TTLL9: variants seen among roughly 807,000 people sequenced by gnomAD.
TTLL9 encodes probable tubulin polyglutamylase TTLL9.
Under a neutral mutation model 65.6 loss-of-function variants are expected in TTLL9, and 47 were observed. That is an observed-to-expected ratio of 0.72 (90% CI 0.57 to 0.91). The LOEUF (loss-of-function observed/expected upper bound fraction) is 0.91, where lower values mean the gene tolerates loss of function less well. Among genes scored for constraint, TTLL9 ranks in the 40% least tolerant of loss-of-function variants. TTLL9 has a pLI of 0.00. For missense variants in TTLL9, 537 were observed against 568.8 expected (o/e 0.94, Z 0.57); for synonymous variants, 179 against 204.8 (o/e 0.87, Z 1.07).
chr20:31,880,008 G>A (rs6089106), intron 2 of TTLL9: 43,221 of 529,550 alleles, frequency 0.082, 4,485 homozygotes, highest in Admixed American at 0.11. Flanking sequence ...AATGGGTAGG[G>A]GTGGGGCGGG....
chr20:31,931,998 G>A (rs746606661), intron 10 of TTLL9, among the ~76,000 whole-genome samples: 1 of 152,098 alleles, frequency 6.6e-6, no homozygotes, highest in Non-Finnish European at 1.5e-5. Flanking sequence ...TTTTCTCTAT[G>A]AATTTCATAG....
At chr20:31,903,891 T>C (rs376977842) in intron 4 of TTLL9, among the ~76,000 whole-genome samples, 231 of 152,372 alleles carry the variant, frequency 1.5e-3, no homozygotes, top group African/African-American at 5.4e-3. Flanking sequence ...CCAGTTTTTT[T>C]CCACTAACAT....
At position 31,909,840 on chromosome 20, in the gene TTLL9, A is replaced by C; in HGVS notation, c.422A>C (p.Lys141Thr). The stretch of plus-strand genomic sequence containing the variant: ...GCAGCCAAGTGTGACTTCTTCCCCA[A>C]AACCTTTGAGATGCCTTGCGAGTAC... ...LEAAKCDFFP[K>T]TFEMPCEYHL... Residue 141 changes from lysine (K) to threonine (T), a missense_variant, in exon 6 of 15, where the codon AAA (lysine) becomes ACA (threonine). By Grantham distance (78) the Lys-to-Thr change is moderately conservative (BLOSUM62 -1). Around this residue, in one of 3 missense-constraint regions of TTLL9, gnomAD observed 320 missense variants for 311.0 expected, o/e 1.03. Transcript: ENST00000535842. The C allele has an allele frequency of 6.2e-7, 1 of 1,614,152 alleles. No individual in the cohort carries two copies. The highest frequency in any genetic ancestry group is 8.5e-7 in the Non-Finnish European group (1 of 1,180,024).
chr20:31,923,735 C>T (rs1000020646), intron 8 of TTLL9, among the ~76,000 whole-genome samples: 3 of 152,178 alleles, frequency 2.0e-5, no homozygotes, highest in Admixed American at 6.5e-5. Context: ...TGCCTGACAT[C>T]ATTGCAATAG....
intron 2 of TTLL9, among the ~76,000 whole-genome samples, chr20:31,880,920 T>C (rs1279705299): frequency 1.3e-5 from 2 of 149,934 alleles, no homozygotes; most frequent in East Asian, 3.9e-4. Context: ...AGTGGTGTTA[T>C]CTTGGCTCAG....
intron 4 of TTLL9, among the ~76,000 whole-genome samples, chr20:31,904,018 T>C (rs1293975124): frequency 6.6e-6 from 1 of 152,248 alleles, no homozygotes; most frequent in African/African-American, 2.4e-5. Context: ...CTTGACACTT[T>C]TGAAGAGTAC....
rs1370985358 is a variant in TTLL9, at chr20:31,871,167, CT to C, written c.42del (p.Ala15ProfsTer37). The part of the protein sequence containing the change: ...SREALLGPGT[T>X]AIRCPKKLQN... The stretch of plus-strand genomic sequence containing the variant: ...GAAGCTCTGCTGGGACCAGGCACAA[CT>C]GCCATTAGGTGCCCCAAGAAATTAC... On this transcript the variant is annotated frameshift_variant, in exon 2 of 15. Coordinates refer to ENST00000535842, the MANE Select transcript of TTLL9 (RefSeq NM_001008409.5). LOFTEE classifies it high-confidence loss of function. 1 of 1,614,036 alleles carries C rather than the reference CT, an allele frequency of 6.2e-7. No homozygotes were observed. The highest frequency in any genetic ancestry group is 8.5e-7 in the Non-Finnish European group (1 of 1,180,038).
At chr20:31,910,742 A>G (rs2123508930) in intron 6 of TTLL9, among the ~76,000 whole-genome samples, 1 of 152,330 alleles carries the variant, frequency 6.6e-6, no homozygotes, top group South Asian at 2.1e-4. Flanking sequence ...TATAATAATC[A>G]GAATTAGTAT....
intron 2 of TTLL9, among the ~76,000 whole-genome samples, chr20:31,881,137 T>C (rs2063113118): frequency 6.6e-6 from 1 of 152,192 alleles, no homozygotes; most frequent in Non-Finnish European, 1.5e-5. Context: ...GTGCTGGGAT[T>C]ACAGGCATGA....
At chr20:31,906,416 G>A (rs866764920) in intron 4 of TTLL9, among the ~76,000 whole-genome samples, 15 of 152,220 alleles carry the variant, frequency 9.9e-5, no homozygotes, top group Non-Finnish European at 1.6e-4. Flanking sequence ...TCACGGCCCC[G>A]CAGCCTCTGG....
At chr20:31,898,313 A>T (rs934064203) in intron 3 of TTLL9, among the ~76,000 whole-genome samples, 160 bp from the exon 4 acceptor site, 6 of 152,172 alleles carry the variant, frequency 3.9e-5, no homozygotes, top group African/African-American at 1.2e-4. Flanking sequence ...TCTCAATCTG[A>T]TTATGTTAAG....
intron 2 of TTLL9, among the ~76,000 whole-genome samples, chr20:31,873,880 GAA>G (rs1414218611): frequency 2.7e-5 from 4 of 145,550 alleles, no homozygotes; most frequent in South Asian, 2.2e-4. Context: ...AAGAAAGAAA[GAA>G]AGAGAAAGAA....
At chr20:31,871,543 T>C (rs1393105995) in intron 2 of TTLL9, among the ~76,000 whole-genome samples, 1 of 152,172 alleles carries the variant, frequency 6.6e-6, no homozygotes, top group African/African-American at 2.4e-5. Flanking sequence ...AGTAGGTGAC[T>C]GGGGATTGTG....
chr20:31,897,624 T>A (rs982748269), intron 3 of TTLL9, among the ~76,000 whole-genome samples: 18 of 152,154 alleles, frequency 1.2e-4, no homozygotes, highest in African/African-American at 4.3e-4. Context: ...ACACATGGTC[T>A]CCACTGCTGC....
chr20:31,897,417 C>A (rs539902579), intron 3 of TTLL9, among the ~76,000 whole-genome samples: 3 of 152,316 alleles, frequency 2.0e-5, no homozygotes, highest in Non-Finnish European at 4.4e-5. Context: ...TTTCCTTTGT[C>A]AGTCTTGCTG....
At position 31,898,553 on chromosome 20, in the gene TTLL9, TG is replaced by T. The variant is rs1265699101; in HGVS notation, c.196del (p.Glu66LysfsTer2). ...GTCCTTCGCCACAGGCCAGGATGGG[TG>T]GAAGTGAAGGAGTAAGACCCTCCCC... ...MDVLRHRPGW[V>X]EVKDEGEWDF... On this transcript the variant is annotated frameshift_variant, in exon 4 of 15. Transcript: ENST00000535842. LOFTEE classifies it high-confidence loss of function. The T allele has an allele frequency of 1.2e-6, 2 of 1,614,078 alleles. No homozygotes were observed. Among genetic ancestry groups the T allele is most frequent in the Admixed American group, 1.7e-5 (1 of 60,018 alleles).
At chr20:31,890,100 C>CCCTTCCTTCCTTCCTT (rs1286424316) in intron 3 of TTLL9, among the ~76,000 whole-genome samples, 17 of 50,036 alleles carry the variant, frequency 3.4e-4, no homozygotes, top group East Asian at 9.3e-4. Flanking sequence ...TTCTTTCCCT[C>CCCTTCCTTCCTTCCTT]CCTTCCTTCC....
chr20:31,872,103 T>A (rs1035110050), intron 2 of TTLL9, among the ~76,000 whole-genome samples: 4 of 152,200 alleles, frequency 2.6e-5, no homozygotes, highest in Middle Eastern at 6.8e-3. Context: ...ACATCTCAGA[T>A]CTAGGAGGGA....
intron 2 of TTLL9, among the ~76,000 whole-genome samples, chr20:31,886,273 G>T (rs1236697519): frequency 6.6e-6 from 1 of 152,216 alleles, no homozygotes; most frequent in Non-Finnish European, 1.5e-5. Flanking sequence ...CAGATGGCAG[G>T]TCTGTCCCAG....
Sources: allele counts gnomAD v4.1 joint callset (sites outside exome capture counted in the v4.1 genomes callset), GRCh38; gene constraint gnomAD v4.1.1; regional missense constraint gnomAD v4.1.1; transcripts MANE v1.5; gene names NCBI Gene and HGNC (gene_info 2026-07-23, HGNC 2026-07-21).